The following FATE1 variants were observed in gnomAD, a reference collection of about 807,000 sequenced individuals.
FATE1 encodes fetal and adult testis-expressed transcript protein.
In FATE1, 18 loss-of-function variants were observed where a neutral mutation model predicts 16.0. The observed-to-expected ratio is 1.12, with a 90% CI of 0.78 to 1.66. FATE1 has a LOEUF of 1.66. Ranked by LOEUF, FATE1 falls within the 40% of genes most tolerant of loss-of-function variation. The pLI, the probability that FATE1 is intolerant of heterozygous loss-of-function variation, is 0.00. For synonymous variants in FATE1, 76 were observed against 56.9 expected (o/e 1.34, Z -1.51); for missense variants, 169 against 152.7 (o/e 1.11, Z -0.56).
chrX:151,723,004 C>T lies in FATE1; in HGVS notation c.*245C>T. ...GAGATGCCACCCTTTGAAGGGTGAA[C>T]AGCATGGCGGCATCTGGGCCCCACA... is the stretch of plus-strand genomic sequence containing the variant. On this transcript the variant is annotated 3_prime_UTR_variant, in exon 5 of 5. Transcript: ENST00000370350. 2.7e-6 allele frequency: 1 copy of T among 367,876 alleles called. No individual in the cohort carries two copies. The highest frequency in any genetic ancestry group is 4.8e-5 in the South Asian group (1 of 20,997). The allele number at this position is 367,876 out of a possible 1,213,427, so 30.3% of individuals were successfully genotyped here.
chrX:151,717,337 G>T lies in FATE1; in HGVS notation c.172G>T (p.Ala58Ser), dbSNP rs773194679. 1 of 1,207,014 alleles carries T rather than the reference G, an allele frequency of 8.3e-7. No homozygotes were observed. The highest frequency in any genetic ancestry group is 1.1e-6 in the Non-Finnish European group (1 of 893,392). Residue 58 changes from alanine (A) to serine (S), a missense_variant, in exon 2 of 5, where the codon GCT becomes TCT. Transcript: ENST00000370350. ...GAAGAAGCAGAAGTTGGAACAAAAA[G>T]CTGCTGGCTCTGCTTCAGCCAAACG... Reference protein sequence around the residue: ...SQKKQKLEQKAAGSASAKRVW... With the variant: ...SQKKQKLEQKSAGSASAKRVW...
intron 1 of FATE1, 138 bp downstream of exon 1, chrX:151,716,363 A>C: frequency 8.0e-6 from 4 of 499,209 alleles, no homozygotes; most frequent in Middle Eastern, 3.8e-4. Flanking sequence ...GGCTTCGAGG[A>C]TTTGTGGGTT....
At chrX:151,717,493 A>G in intron 2 of FATE1, 94 bp downstream of exon 2, 1 of 993,568 alleles carries the variant, frequency 1.0e-6, no homozygotes, top group East Asian at 3.6e-5. Flanking sequence ...GCAGGGCTAG[A>G]CGTTGACTTG....
chrX:151,721,034 C>T (rs1438933591), intron 2 of FATE1, among the ~76,000 whole-genome samples: 2 of 112,834 alleles, frequency 1.8e-5, no homozygotes, highest in Non-Finnish European at 1.9e-5. Context: ...CGCCAGGCCT[C>T]CATGGCCTGG....
Position 151,716,096 on chromosome X carries a change from CT to C in FATE1, c.-22del. On this transcript the variant is annotated 5_prime_UTR_variant, in exon 1 of 5. Coordinates refer to ENST00000370350, the MANE Select transcript of FATE1 (RefSeq NM_033085.3). ...GCACCCTGTGCATCCTTAGCCATAG[CT>C]TACAAGAGAACAGCTGGTTGTGATG... The C allele has an allele frequency of 8.7e-7, 1 of 1,147,140 alleles. No individual in the cohort carries two copies. The highest frequency in any genetic ancestry group is 1.8e-5 in the African/African-American group (1 of 55,988). 94.5% of individuals were successfully genotyped at this position (1,147,140 alleles called of 1,213,427 possible).
Position 151,721,397 on chromosome X carries a change from G to T in FATE1, c.237G>T (p.Gly79=). The T allele has an allele frequency of 8.3e-7, 1 of 1,211,309 alleles. No individual in the cohort carries two copies. Among genetic ancestry groups the T allele is most frequent in the Non-Finnish European group, 1.1e-6 (1 of 894,678 alleles). The change falls in exon 3 of 5, where the codon GGG becomes GGT. Residue 79 remains glycine (G), a splice_region_variant and synonymous_variant. Coordinates refer to ENST00000370350, the MANE Select transcript of FATE1 (RefSeq NM_033085.3). ...TTACTGACCATTCCTTTCTTCAGGG[G>T]TCCCAGCTGCCAAAGCCCAGAATGC... ...NMTATRPKKM[G]SQLPKPRMLR...
In FATE1 at chrX:151,717,322, A is replaced by G; in HGVS notation, c.157A>G (p.Lys53Glu). The G allele has an allele frequency of 1.7e-6, 2 of 1,208,831 alleles. No individual in the cohort carries two copies. The highest frequency in any genetic ancestry group is 3.5e-5 in the South Asian group (2 of 56,891). The part of the protein sequence containing the change: ...RSRGASQKKQ[K>E]LEQKAAGSAS... ...CCGGGGTGCCTCCCAGAAGAAGCAG[A>G]AGTTGGAACAAAAAGCTGCTGGCTC... is the stretch of plus-strand genomic sequence containing the variant. The change falls in exon 2 of 5, where the codon AAG (lysine) becomes GAG (glutamate). Residue 53 changes from lysine (K) to glutamate (E), a missense_variant. Transcript: ENST00000370350.
At chrX:151,718,287 G>A (rs1490444869) in intron 2 of FATE1, among the ~76,000 whole-genome samples, 1 of 112,103 alleles carries the variant, frequency 8.9e-6, no homozygotes, top group Non-Finnish European at 1.9e-5. Flanking sequence ...CCAGGCAAGT[G>A]AATCTGACTA....
chrX:151,720,410 T>A (rs1027429567), intron 2 of FATE1, among the ~76,000 whole-genome samples: 2 of 112,030 alleles, frequency 1.8e-5, no homozygotes, highest in African/African-American at 6.5e-5. Flanking sequence ...TGTTTTACTG[T>A]CTTCACTGGC....
rs368403459 is a variant in FATE1, at chrX:151,718,216, G to GAAGAAAGAAAGA, written c.234+830_234+841dup. On this transcript the variant is annotated intron_variant, in intron 2 of 4. Coordinates refer to ENST00000370350, the MANE Select transcript of FATE1 (RefSeq NM_033085.3). ...GAAAGAAAGAAAGGAAGGAAGAAAG[G>GAAGAAAGAAAGA]AAGAAAGAAAGAAAGAAAGAAAGAG... Among the ~76,000 whole-genome samples, 58 of 102,117 alleles carry GAAGAAAGAAAGA rather than the reference G, an allele frequency of 5.7e-4. 3 individuals are homozygous for GAAGAAAGAAAGA. In the East Asian group the frequency reaches 8.4e-3, roughly 15 times the overall value. The allele number at this position is 102,117 out of a possible 115,157, so 88.7% of individuals were successfully genotyped here.
chrX:151,719,855 A>G (rs1376435541), intron 2 of FATE1, among the ~76,000 whole-genome samples: 2 of 111,857 alleles, frequency 1.8e-5, no homozygotes, highest in East Asian at 5.6e-4. Flanking sequence ...TTCTCAGGTG[A>G]CAGGTGAGCC....
chrX:151,723,013 G>A lies in FATE1; in HGVS notation c.*254G>A, dbSNP rs1207500162. 4.3e-5 allele frequency: 15 copies of A among 352,395 alleles called. No individual in the cohort carries two copies. The highest frequency in any genetic ancestry group is 6.4e-5 in the Non-Finnish European group (13 of 204,614). The allele number at this position is 352,395 out of a possible 1,213,427, so 29.0% of individuals were successfully genotyped here. ...CCCTTTGAAGGGTGAACAGCATGGC[G>A]GCATCTGGGCCCCACAGTAACACCT... On this transcript the variant is annotated 3_prime_UTR_variant, in exon 5 of 5. Coordinates refer to ENST00000370350, the MANE Select transcript of FATE1 (RefSeq NM_033085.3).
intron 4 of FATE1, 110 bp downstream of exon 4, chrX:151,722,091 G>T: frequency 2.9e-6 from 2 of 679,433 alleles, no homozygotes; most frequent in Non-Finnish European, 4.5e-6. Context: ...TCCCTTTAGC[G>T]CTGGAGGTGG....
At chrX:151,719,291 A>G (rs1305551088) in intron 2 of FATE1, among the ~76,000 whole-genome samples, 1 of 112,183 alleles carries the variant, frequency 8.9e-6, no homozygotes, top group Non-Finnish European at 1.9e-5. Flanking sequence ...AAGGGTGAGA[A>G]AAGTTAATAA....
Position 151,721,435 on chromosome X carries a change from G to A in FATE1, c.275G>A (p.Gly92Asp), listed in dbSNP as rs1050509685. ...LPKPRMLRES[G>D]HGDAHLQEYA... ...AAGCCCAGAATGCTGAGAGAATCAGGCCATGGGGATGCCCATCTCCAGGAG... is the reference window on the plus strand; with the variant it reads ...AAGCCCAGAATGCTGAGAGAATCAGACCATGGGGATGCCCATCTCCAGGAG... The change falls in exon 3 of 5, where the codon GGC (glycine) becomes GAC (aspartate). Residue 92 changes from glycine to aspartate, a missense_variant. Coordinates refer to ENST00000370350, the MANE Select transcript of FATE1 (RefSeq NM_033085.3). 6.6e-6 allele frequency: 8 copies of A among 1,211,150 alleles called. No homozygotes were observed. In the African/African-American group the frequency reaches 1.2e-4, roughly 18 times the overall value.
In FATE1 at chrX:151,722,831, C is replaced by T. The variant is rs1197435060; in HGVS notation, c.*72C>T. The T allele has an allele frequency of 4.4e-6, 5 of 1,126,905 alleles. No individual in the cohort carries two copies. In the East Asian group the frequency reaches 9.1e-5, roughly 21 times the overall value. 92.9% of individuals were successfully genotyped at this position (1,126,905 alleles called of 1,213,427 possible). The stretch of plus-strand genomic sequence containing the variant: ...CTTTCTTTCCTCTTTCCCCAGGCCG[C>T]CACTGCCCTTGCCCCTTTCATCTCC... On this transcript the variant is annotated 3_prime_UTR_variant, in exon 5 of 5. Coordinates refer to ENST00000370350, the MANE Select transcript of FATE1 (RefSeq NM_033085.3).
At chrX:151,718,108 GAGAGGAAGGAAGGAAGGAAGGAAGGA>G (rs2015077959) in intron 2 of FATE1, among the ~76,000 whole-genome samples, 2 of 76,527 alleles carry the variant, frequency 2.6e-5, no homozygotes, top group African/African-American at 5.3e-5. Context: ...GAAAGAGAGA[GAGAGGAAGGAAGGAAGGAAGGAAGGA>G]AGGAAGGAAG....
Position 151,716,235 on chromosome X carries a change from C to T in FATE1, c.106+10C>T. The T allele has an allele frequency of 8.7e-7, 1 of 1,144,094 alleles. No individual in the cohort carries two copies. The highest frequency in any genetic ancestry group is 1.2e-6 in the Non-Finnish European group (1 of 851,993). The allele number at this position is 1,144,094 out of a possible 1,213,427, so 94.3% of individuals were successfully genotyped here. A position where few individuals can be genotyped will look rare whatever the true frequency, so the allele number is the denominator to read the frequency against. ...CACCTGGTGATAGCAGGTGAGGATC[C>T]CCTAAAATACCCCTAGGCTACAGCC... is the stretch of plus-strand genomic sequence containing the variant. On this transcript the variant is annotated intron_variant, in intron 1 of 4. Coordinates refer to ENST00000370350, the MANE Select transcript of FATE1 (RefSeq NM_033085.3).
Position 151,722,613 on chromosome X carries a change from T to C in FATE1, c.421-15T>C. The C allele has an allele frequency of 8.3e-7, 1 of 1,212,110 alleles. No homozygotes were observed. Among genetic ancestry groups the C allele is most frequent in the African/African-American group, 1.7e-5 (1 of 58,018 alleles). ...AGAGCCTCGCTCAGCAGCCCTGCCT[T>C]TGACTCCTCTGCAGCTGTATGCAGT... On this transcript the variant is annotated splice_polypyrimidine_tract_variant and intron_variant, in intron 4 of 4. Coordinates refer to ENST00000370350, the MANE Select transcript of FATE1 (RefSeq NM_033085.3).
Sources: allele counts gnomAD v4.1 joint callset (sites outside exome capture counted in the v4.1 genomes callset), GRCh38; gene constraint gnomAD v4.1.1; transcripts MANE v1.5; gene names NCBI Gene and HGNC (gene_info 2026-07-23, HGNC 2026-07-21).